The following LMO7 variants were observed in gnomAD, a reference collection of about 807,000 sequenced individuals.
LMO7 encodes LIM domain only protein 7.
A neutral mutation model predicts 206.5 loss-of-function variants in LMO7; 120 were observed. The observed-to-expected ratio is 0.58, with a 90% CI of 0.50 to 0.68. The LOEUF is 0.68. Ranked by LOEUF, LMO7 falls within the 30% of genes least tolerant of loss-of-function variation. LMO7 has a pLI of 0.00. For synonymous variants in LMO7, 706 were observed against 681.5 expected, an observed-to-expected ratio of 1.04 and a Z score of -0.56; for missense variants, 1,959 against 1,957.9, an observed-to-expected ratio of 1.00 and a Z score of -0.01.
In LMO7 at chr13:75,821,609, G is replaced by A. The variant is rs1161127458; in HGVS notation, c.2640G>A (p.Thr880=). 6 of 1,604,300 alleles carry A rather than the reference G, an allele frequency of 3.7e-6. No homozygotes were observed. Among genetic ancestry groups the A allele is most frequent in the Admixed American group, 1.7e-5 (1 of 58,956 alleles). ...RGISSLPRSY[T]MDDAWKYNGD... ...TCTCATCACTCCCCAGATCTTACACGGTAAAAAATGTTCTCGGTTCATTTA... is the reference window on the plus strand; with the variant it reads ...TCTCATCACTCCCCAGATCTTACACAGTAAAAAATGTTCTCGGTTCATTTA... Residue 880 remains threonine, a splice_region_variant and synonymous_variant, in exon 14 of 31, where the codon ACG becomes ACA. Coordinates refer to ENST00000377534, the MANE Select transcript of LMO7 (RefSeq NM_001306080.2).
intron 7 of LMO7, 42 bp downstream of exon 7, chr13:75,800,924 A>C: frequency 6.4e-7 from 1 of 1,573,216 alleles, no homozygotes; most frequent in Non-Finnish European, 8.7e-7. Context: ...TTCACATATT[A>C]AGGGAGAACT....
intron 1 of LMO7, among the ~76,000 whole-genome samples, chr13:75,651,196 A>G: frequency 6.6e-6 from 1 of 152,196 alleles, no homozygotes; most frequent in East Asian, 1.9e-4. Context: ...AATGCTTTTT[A>G]TGTAAGGAAA....
rs1017932095 is a variant in LMO7, at chr13:75,825,899, C to T, written c.2949+2026C>T. On this transcript the variant is annotated intron_variant, in intron 15 of 30. Coordinates refer to ENST00000377534, the MANE Select transcript of LMO7 (RefSeq NM_001306080.2). ...CATGTGGCTGATCATCTAAATGTTTCGGTAGCTTTGTGAAAGAATGTTCTT... is the reference window on the plus strand; with the variant it reads ...CATGTGGCTGATCATCTAAATGTTTTGGTAGCTTTGTGAAAGAATGTTCTT... Among the ~76,000 whole-genome samples the T allele has an allele frequency of 3.4e-4, 52 of 152,080 alleles. 1 individual carries two copies. Among genetic ancestry groups the T allele is most frequent in the African/African-American group, 8.0e-4 (33 of 41,410 alleles).
intron 4 of LMO7, among the ~76,000 whole-genome samples, chr13:75,767,331 T>A (rs1257486463): frequency 1.3e-5 from 2 of 152,066 alleles, no homozygotes; most frequent in African/African-American, 4.8e-5. Context: ...GACTTTCCGG[T>A]AGAAAAACAT....
intron 1 of LMO7, among the ~76,000 whole-genome samples, chr13:75,700,596 A>G (rs2042222268): frequency 1.3e-5 from 2 of 152,198 alleles, no homozygotes; most frequent in African/African-American, 4.8e-5. Flanking sequence ...TCTCTTTGGC[A>G]TTTTGGAATT....
chr13:75,675,950 A>G (rs1316235233), intron 1 of LMO7, among the ~76,000 whole-genome samples: 1 of 152,208 alleles, frequency 6.6e-6, no homozygotes, highest in African/African-American at 2.4e-5. Context: ...GATGAAGCAA[A>G]GTCATAATTA....
chr13:75,748,454 C>T (rs1425880355), intron 3 of LMO7, among the ~76,000 whole-genome samples: 1 of 152,168 alleles, frequency 6.6e-6, no homozygotes, highest in Non-Finnish European at 1.5e-5. Flanking sequence ...GACTTCACAA[C>T]ATTTTTTGGT....
rs1416193917 is a variant in LMO7, at chr13:75,807,257, T to G, written c.1197-223T>G. ...TGCCCAACTTTCCTGAGAAGTATGCTCTGCTCTTATTTCTTTAGGGATTAT... is the reference window on the plus strand; with the variant it reads ...TGCCCAACTTTCCTGAGAAGTATGCGCTGCTCTTATTTCTTTAGGGATTAT... On this transcript the variant is annotated intron_variant, in intron 9 of 30. Transcript: ENST00000377534. 3 of 532,552 alleles carry G rather than the reference T, an allele frequency of 5.6e-6. No homozygotes were observed. The East Asian group carries it at 9.5e-5, about 17-fold the overall frequency. The allele number at this position is 532,552 out of a possible 1,614,324, so 33.0% of individuals were successfully genotyped here.
intron 4 of LMO7, among the ~76,000 whole-genome samples, chr13:75,786,880 C>A (rs182937399): frequency 6.6e-6 from 1 of 152,126 alleles, no homozygotes; most frequent in Non-Finnish European, 1.5e-5. Context: ...AAAACCAAAG[C>A]CTACTATTTT....
intron 1 of LMO7, among the ~76,000 whole-genome samples, chr13:75,676,902 C>T (rs540586428): frequency 2.6e-5 from 4 of 152,246 alleles, no homozygotes; most frequent in African/African-American, 9.6e-5. Flanking sequence ...CTTGGAATTA[C>T]AGCTTTACAG....
intron 23 of LMO7, 41 bp downstream of exon 23, chr13:75,841,242 C>G: frequency 7.5e-7 from 1 of 1,331,458 alleles, no homozygotes; most frequent in Non-Finnish European, 1.1e-6. Flanking sequence ...CTTCTCTTTA[C>G]CTTGTTGGTG....
chr13:75,742,322 T>C (rs2046481152), intron 3 of LMO7, among the ~76,000 whole-genome samples: 2 of 152,170 alleles, frequency 1.3e-5, no homozygotes, highest in South Asian at 4.1e-4. Context: ...AAGCAAATTA[T>C]AGATTTAATG....
chr13:75,710,366 T>C (rs1414580682), intron 1 of LMO7, among the ~76,000 whole-genome samples: 1 of 152,234 alleles, frequency 6.6e-6, no homozygotes, highest in East Asian at 1.9e-4. Flanking sequence ...GGGGATGGCA[T>C]TGAATCTATA....
chr13:75,732,697 C>T (rs540925788), intron 3 of LMO7, among the ~76,000 whole-genome samples: 97 of 152,182 alleles, frequency 6.4e-4, no homozygotes, highest in Non-Finnish European at 9.4e-4. Flanking sequence ...GGAGGAGAGG[C>T]GCTCTGCTTT....
chr13:75,756,346 T>C (rs1186132125), intron 3 of LMO7, among the ~76,000 whole-genome samples: 2 of 152,170 alleles, frequency 1.3e-5, no homozygotes, highest in Non-Finnish European at 2.9e-5. Flanking sequence ...CAGCTGAGAC[T>C]GAAAGGAATA....
chr13:75,820,985 G>A (rs1399299365), intron 13 of LMO7, among the ~76,000 whole-genome samples, 192 bp from the exon 14 acceptor site: 3 of 143,062 alleles, frequency 2.1e-5, no homozygotes. Flanking sequence ...ACGACAGAGC[G>A]AGATTCGGTC....
In LMO7 at chr13:75,626,607, C is replaced by T. The variant is rs142256371; in HGVS notation, c.225+3287C>T. Among the ~76,000 whole-genome samples, 250 of 75,522 alleles carry T rather than the reference C, an allele frequency of 3.3e-3. 11 individuals are homozygous for T. The highest frequency in any genetic ancestry group is 6.5e-3 in the Non-Finnish European group (199 of 30,604). 49.5% of individuals were successfully genotyped at this position (75,522 alleles called of 152,430 possible). ...TATATATATATAAATTTTTTTGAGA[C>T]AGGGTCTCACTCTGTCACCCAGGCT... On this transcript the variant is annotated intron_variant, in intron 2 of 29. Transcript: ENST00000341547.
intron 1 of LMO7, among the ~76,000 whole-genome samples, chr13:75,710,660 C>T (rs1248302529): frequency 6.6e-6 from 1 of 151,910 alleles, no homozygotes; most frequent in Non-Finnish European, 1.5e-5. Context: ...TATCCTGAGA[C>T]TTTGCTGAAG....
In LMO7 at chr13:75,853,171, T is replaced by G; in HGVS notation, c.4444T>G (p.Phe1482Val). 6.2e-7 allele frequency: 1 copy of G among 1,614,126 alleles called. No homozygotes were observed. Among genetic ancestry groups the G allele is most frequent in the South Asian group, 1.1e-5 (1 of 91,084 alleles). The change falls in exon 28 of 31, where the codon TTC becomes GTC. Residue 1482 changes from phenylalanine (F) to valine (V), a missense_variant. Transcript: ENST00000377534. ...TCCTTGGCTCAATCAGCCCACAGGA[T>G]TCTATGCTTCTTCCTCTGTGCAAGA... ...QPPWLNQPTGFYASSSVQDFS... is the reference protein window; with the variant it reads ...QPPWLNQPTGVYASSSVQDFS...
Sources: allele counts gnomAD v4.1 joint callset (sites outside exome capture counted in the v4.1 genomes callset), GRCh38; gene constraint gnomAD v4.1.1; transcripts MANE v1.5; gene names NCBI Gene and HGNC (gene_info 2026-07-23, HGNC 2026-07-21).